The following LRRC74B variants were observed in gnomAD, a reference collection of about 807,000 sequenced individuals.
LRRC74B encodes the protein leucine-rich repeat-containing protein 74B.
A neutral mutation model predicts 16.6 loss-of-function variants in LRRC74B; 30 were observed. The observed-to-expected ratio is 1.80, with a 90% confidence interval of 1.35 to 2.45. The LOEUF (loss-of-function observed/expected upper bound fraction) is 2.45, where lower values mean the gene tolerates loss of function less well. LRRC74B is among the 30% of genes most tolerant of loss of function. LRRC74B has a pLI of 0.00. For missense variants in LRRC74B, 326 were observed against 202.4 expected (o/e 1.61, Z -3.71); for synonymous variants, 134 against 86.0 (o/e 1.56, Z -3.09).
At chr22:21,053,295 C>CT (rs1930215203) in intron 5 of LRRC74B, 65 bp from the exon 6 acceptor site, 1 of 692,848 alleles carries the variant, frequency 1.4e-6, no homozygotes, top group African/African-American at 1.8e-5. Context: ...GTCTCTGAGG[C>CT]TGTGGCACCC....
Position 21,047,887 on chromosome 22 carries a change from G to A in LRRC74B, c.286G>A (p.Ala96Thr), listed in dbSNP as rs753513693. ...GTGTTTGCTCTGTCTGTCCCAGGGC[G>A]CCCGGGCTCTGGCTTCCTCATTGAG... Residue 96 changes from alanine to threonine, a missense_variant, in exon 3 of 9, where the codon GCC becomes ACC. Transcript: ENST00000442047. The A allele has an allele frequency of 2.6e-4, 188 of 717,178 alleles. 1 individual carries two copies. The highest frequency in any genetic ancestry group is 6.9e-4 in the Middle Eastern group (3 of 4,346). The allele number at this position is 717,178 out of a possible 1,614,324, so 44.4% of individuals were successfully genotyped here.
chr22:21,054,099 G>A (rs1930287163), intron 6 of LRRC74B: 1 of 152,266 alleles, frequency 6.6e-6, no homozygotes, highest in South Asian at 2.1e-4. Flanking sequence ...GCTGAGGCGG[G>A]AGGATCCATT....
chr22:21,060,873 G>T (rs1023811669), downstream of LRRC74B, among the ~76,000 whole-genome samples: 1 of 152,204 alleles, frequency 6.6e-6, no homozygotes, highest in Non-Finnish European at 1.5e-5. Flanking sequence ...AAGGAGGGGT[G>T]CACACTCTAC....
chr22:21,054,037 G>A (rs1440478872), intron 6 of LRRC74B: 1 of 152,222 alleles, frequency 6.6e-6, no homozygotes, highest in Non-Finnish European at 1.5e-5. Flanking sequence ...TGCAGAAGAC[G>A]AGCCAGGGCC....
In LRRC74B at chr22:21,058,052, A is replaced by ATT. The variant is rs538672719; in HGVS notation, c.1023+867_1023+868dup. Among the ~76,000 whole-genome samples the ATT allele has an allele frequency of 3.3e-3, 442 of 134,106 alleles. 4 individuals are homozygous for ATT. The highest frequency in any genetic ancestry group is 0.011 in the African/African-American group (387 of 36,398). 88.0% of individuals were successfully genotyped at this position (134,106 alleles called of 152,430 possible). ...AGATGTGTGCCACCACGCCCGGCTG[A>ATT]TTTTTTTTTTTTTTTTGGTATTTTT... On this transcript the variant is annotated intron_variant, in intron 8 of 8. Coordinates refer to ENST00000442047, the Ensembl canonical transcript of LRRC74B.
At chr22:21,046,920 C>T (rs750055172) in intron 1 of LRRC74B, among the ~76,000 whole-genome samples, 6 of 151,812 alleles carry the variant, frequency 4.0e-5, no homozygotes, top group East Asian at 1.9e-4. Context: ...GGTGAAACCC[C>T]GTCTCTACTG....
At chr22:21,050,124 C>T (rs1044450577) in intron 4 of LRRC74B, among the ~76,000 whole-genome samples, 4 of 152,090 alleles carry the variant, frequency 2.6e-5, no homozygotes, top group African/African-American at 9.7e-5. Flanking sequence ...GCAGCCTCTG[C>T]CTCCCAGGTC....
chr22:21,057,066 G>A (rs749452813), intron 7 of LRRC74B, 39 bp from the exon 8 acceptor site: 4 of 716,138 alleles, frequency 5.6e-6, no homozygotes, highest in African/African-American at 3.5e-5. Flanking sequence ...TGGCCTTCCC[G>A]GACCTGGCTT....
downstream of LRRC74B, chr22:21,062,350 G>A (rs184756986): frequency 7.9e-5 from 12 of 152,230 alleles, no homozygotes; most frequent in East Asian, 1.9e-3. Flanking sequence ...TGATTTATGC[G>A]GTATGTGAAA....
At chr22:21,054,913 C>T (rs1930369389) in intron 6 of LRRC74B, among the ~76,000 whole-genome samples, 185 bp from the exon 7 acceptor site, 1 of 152,196 alleles carries the variant, frequency 6.6e-6, no homozygotes, top group African/African-American at 2.4e-5. Context: ...TGTGATTCCT[C>T]TGAACGGTGT....
intron 4 of LRRC74B, 109 bp downstream of exon 4, chr22:21,049,266 G>T: frequency 1.6e-6 from 1 of 606,872 alleles, no homozygotes; most frequent in South Asian, 2.0e-5. Flanking sequence ...ATGTGCTCTG[G>T]TTCCTGCTCC....
upstream of LRRC74B, chr22:21,045,958 GTGTC>G (rs1569191823): frequency 2.8e-6 from 2 of 716,070 alleles, no homozygotes; most frequent in South Asian, 3.0e-5. Context: ...CTCCGACTCA[GTGTC>G]TGAGACTGCG....
At chr22:21,061,692 A>C (rs1930813502), downstream of LRRC74B, 1 of 152,244 alleles carries the variant, frequency 6.6e-6, no homozygotes, top group African/African-American at 2.4e-5. Context: ...TAATCATAGA[A>C]TTACCGTATA....
chr22:21,057,916 C>T (rs1353997913), intron 8 of LRRC74B, among the ~76,000 whole-genome samples: 1 of 149,654 alleles, frequency 6.7e-6, no homozygotes, highest in East Asian at 2.0e-4. Flanking sequence ...GACAGAGTCT[C>T]ACTCTGTCGC....
At chr22:21,053,548 C>T (rs1343360225) in intron 6 of LRRC74B, 73 bp downstream of exon 6, 10 of 674,046 alleles carry the variant, frequency 1.5e-5, no homozygotes, top group East Asian at 5.5e-5. Flanking sequence ...ACAGTCTACC[C>T]GTGATGGGGA....
intron 2 of LRRC74B, 35 bp downstream of exon 2, chr22:21,047,533 G>A (rs1280673044): frequency 2.8e-6 from 2 of 715,150 alleles, no homozygotes; most frequent in African/African-American, 1.7e-5. Context: ...CAGGCTTACG[G>A]GGAGAGGCCT....
chr22:21,053,797 C>G (rs1486620084), intron 6 of LRRC74B: 2 of 188,336 alleles, frequency 1.1e-5, no homozygotes, highest in African/African-American at 2.3e-5. Flanking sequence ...CTAATTTTTT[C>G]TTTTTTGTAG....
At chr22:21,059,477 G>A (rs561013629) in intron 8 of LRRC74B, among the ~76,000 whole-genome samples, 82 of 152,092 alleles carry the variant, frequency 5.4e-4, no homozygotes, top group African/African-American at 1.8e-3. Flanking sequence ...CAGGAGAATC[G>A]CTTGAACCAG....
Position 21,048,980 on chromosome 22 carries a change from G to T in LRRC74B, c.445G>T (p.Val149Leu), listed in dbSNP as rs780907995. 2.8e-5 allele frequency: 20 copies of T among 716,056 alleles called. No individual in the cohort carries two copies. In the East Asian group the frequency reaches 5.4e-4, roughly 19 times the overall value. 44.4% of individuals were successfully genotyped at this position (716,056 alleles called of 1,614,324 possible). ...GGACCTGTCGGAGAACCAGCTGGGA[G>T]TGGCAGGAGCCCAGGCCCTCTGTGC... is the stretch of plus-strand genomic sequence containing the variant. The change falls in exon 4 of 9, where the codon GTG becomes TTG. Residue 149 changes from valine (V) to leucine (L), a missense_variant. Physicochemically the swap from Val to Leu is conservative, Grantham distance 32. Transcript: ENST00000442047.
Sources: gnomAD v4.1 joint callset for allele counts (sites outside exome capture counted in the v4.1 genomes callset) on GRCh38, gnomAD v4.1.1 for gene constraint, MANE v1.5 for transcripts, NCBI Gene and HGNC (gene_info 2026-07-23, HGNC 2026-07-21) for gene names.